Variants in CREB5 observed in about 807,000 individuals in gnomAD.
CREB5 encodes cAMP responsive element binding protein 5.
A neutral mutation model predicts 57.1 loss-of-function variants in CREB5; 19 were observed. The ratio of observed to expected loss-of-function variants is 0.33; its 90% CI spans 0.23 to 0.49. The LOEUF is 0.49. CREB5 is among the 20% of genes least tolerant of loss of function. CREB5 has a pLI of 0.99. For synonymous variants in CREB5, 238 were observed against 238.3 expected (o/e 1.00, Z 0.01); for missense variants, 579 against 671.6 (o/e 0.86, Z 1.52).
At chr7:28,318,250 G>A (rs564714026) in intron 1 of CREB5, among the ~76,000 whole-genome samples, 1 of 152,240 alleles carries the variant, frequency 6.6e-6, no homozygotes, top group East Asian at 1.9e-4. Flanking sequence ...ACAGAGGGCT[G>A]TTCAATTTGA....
chr7:28,776,518 G>GT (rs1416628282), intron 7 of CREB5, among the ~76,000 whole-genome samples: 1 of 152,108 alleles, frequency 6.6e-6, no homozygotes, highest in Non-Finnish European at 1.5e-5. Flanking sequence ...AGGCAAGAGA[G>GT]TTTTTTTAAA....
chr7:28,804,556 A>T (rs773636237), intron 8 of CREB5, 34 bp downstream of exon 8: 1 of 1,604,628 alleles, frequency 6.2e-7, no homozygotes, highest in East Asian at 2.2e-5. Context: ...TCCCCTTCTT[A>T]TTCTCCTTCT....
At chr7:28,686,570 A>T (rs1800933378) in intron 5 of CREB5, among the ~76,000 whole-genome samples, 1 of 152,086 alleles carries the variant, frequency 6.6e-6, no homozygotes, top group African/African-American at 2.4e-5. Context: ...ACTCGGGCGA[A>T]GTTTCTTTGC....
At chr7:28,309,022 G>A (rs1054402092) in intron 1 of CREB5, among the ~76,000 whole-genome samples, 2 of 152,152 alleles carry the variant, frequency 1.3e-5, no homozygotes, top group Admixed American at 1.3e-4. Context: ...CCCAGCAAAA[G>A]AGAATTCTAC....
intron 7 of CREB5, among the ~76,000 whole-genome samples, chr7:28,740,732 C>T (rs572810324): frequency 2.7e-4 from 41 of 152,114 alleles, no homozygotes; most frequent in Middle Eastern, 3.4e-3. Flanking sequence ...CGTTCTTTTC[C>T]GGTAGAAAAA....
chr7:28,622,212 G>A (rs12540087), intron 5 of CREB5, among the ~76,000 whole-genome samples: 9,010 of 151,176 alleles, frequency 0.06, 347 homozygotes, highest in East Asian at 0.1. Context: ...TTCTCTTTCC[G>A]CAATGTGAAT....
intron 1 of CREB5, among the ~76,000 whole-genome samples, chr7:28,423,224 A>G (rs1251611866): frequency 2.0e-5 from 3 of 152,128 alleles, no homozygotes; most frequent in Non-Finnish European, 4.4e-5. Flanking sequence ...TTCCAACACA[A>G]ATATCAGCAC....
intron 1 of CREB5, among the ~76,000 whole-genome samples, chr7:28,447,081 G>C (rs950166019): frequency 2.0e-5 from 3 of 152,142 alleles, no homozygotes; most frequent in Non-Finnish European, 2.9e-5. Context: ...TGGAGATCAG[G>C]ACACCACCTC....
At chr7:28,691,352 A>G (rs2128730577) in intron 5 of CREB5, among the ~76,000 whole-genome samples, 1 of 148,604 alleles carries the variant, frequency 6.7e-6, no homozygotes, top group South Asian at 2.1e-4. Context: ...CCCAGGAGGC[A>G]GAGGTTGCAT....
intron 9 of CREB5, among the ~76,000 whole-genome samples, chr7:28,811,285 G>A (rs1296595060): frequency 1.3e-5 from 2 of 152,210 alleles, no homozygotes; most frequent in African/African-American, 4.8e-5. Context: ...TGATTGCAGG[G>A]AGTCAAGCCA....
chr7:28,791,459 AC>A (rs902982083), intron 7 of CREB5, among the ~76,000 whole-genome samples: 54 of 152,188 alleles, frequency 3.5e-4, no homozygotes, highest in African/African-American at 1.3e-3. Context: ...AGTAGGTCAC[AC>A]CCACAAAGAA....
chr7:28,562,428 C>G (rs563487552), intron 4 of CREB5, among the ~76,000 whole-genome samples: 1 of 152,312 alleles, frequency 6.6e-6, no homozygotes, highest in East Asian at 1.9e-4. Context: ...TCCATTGCCT[C>G]AAACCCAGTA....
chr7:28,737,126 T>G (rs948896245), intron 7 of CREB5, among the ~76,000 whole-genome samples: 1 of 152,114 alleles, frequency 6.6e-6, no homozygotes, highest in Non-Finnish European at 1.5e-5. Flanking sequence ...GAATGTTAAA[T>G]TGGAAAATAC....
intron 5 of CREB5, among the ~76,000 whole-genome samples, chr7:28,712,658 C>T (rs944743961): frequency 1.4e-5 from 2 of 147,222 alleles, no homozygotes; most frequent in African/African-American, 5.0e-5. Flanking sequence ...CTCAGCCTCC[C>T]GAGTAGCTGG....
chr7:28,778,341 C>A (rs537994356), intron 7 of CREB5, among the ~76,000 whole-genome samples: 24 of 152,274 alleles, frequency 1.6e-4, no homozygotes, highest in Non-Finnish European at 1.5e-4. Flanking sequence ...TAGAAGAAGA[C>A]CAGGTAACAC....
chr7:28,509,522 C>T lies in CREB5; in HGVS notation c.291+1785C>T, dbSNP rs940017038. Among the ~76,000 whole-genome samples the T allele has an allele frequency of 9.2e-5, 14 of 152,274 alleles. No individual in the cohort carries two copies. The East Asian group carries it at 1.5e-3, about 17-fold the overall frequency. ...TACTGCTAAACTTTGAAAACCTTTT[C>T]GAACATTGTGACGAGCATATTTTAC... On this transcript the variant is annotated intron_variant, in intron 4 of 10. Transcript: ENST00000357727.
At chr7:28,305,894 G>A (rs1453986092) in intron 1 of CREB5, among the ~76,000 whole-genome samples, 1 of 151,778 alleles carries the variant, frequency 6.6e-6, no homozygotes, top group Non-Finnish European at 1.5e-5. Flanking sequence ...AACCCATCCA[G>A]ATATTTGTCT....
chr7:28,715,621 T>A (rs1311026015), intron 5 of CREB5, among the ~76,000 whole-genome samples: 2 of 152,200 alleles, frequency 1.3e-5, no homozygotes, highest in Non-Finnish European at 2.9e-5. Context: ...GTCCTTTATA[T>A]ACCTAGTGAT....
At chr7:28,656,568 T>C (rs746825381) in intron 5 of CREB5, among the ~76,000 whole-genome samples, 12 of 152,194 alleles carry the variant, frequency 7.9e-5, no homozygotes, top group Non-Finnish European at 1.0e-4. Flanking sequence ...AAGTATAAAA[T>C]AGAGAATAGC....
Sources: allele counts gnomAD v4.1 joint callset (sites outside exome capture counted in the v4.1 genomes callset), GRCh38; gene constraint gnomAD v4.1.1; transcripts MANE v1.5; gene names NCBI Gene and HGNC (gene_info 2026-07-23, HGNC 2026-07-21).